Variants in CDC42BPA observed in about 807,000 individuals in gnomAD.
CDC42BPA encodes the protein CDC42 binding protein kinase alpha, also known as serine/threonine-protein kinase MRCK alpha.
In CDC42BPA, 80 loss-of-function variants were observed where a neutral mutation model predicts 223.5. The ratio of observed to expected loss-of-function variants is 0.36; its 90% confidence interval spans 0.30 to 0.43. The LOEUF is 0.43. Ranked by LOEUF, CDC42BPA falls within the 20% of genes least tolerant of loss-of-function variation. The pLI is 1.00. For missense variants in CDC42BPA, 1,743 were observed against 2,099.9 expected (o/e 0.83, Z 3.32); for synonymous variants, 694 against 718.6 (o/e 0.97, Z 0.55).
intron 21 of CDC42BPA, among the ~76,000 whole-genome samples, chr1:227,065,173 A>C (rs763178830): frequency 6.6e-6 from 1 of 152,124 alleles, no homozygotes; most frequent in Non-Finnish European, 1.5e-5. Flanking sequence ...TTACATAACA[A>C]TGTATCACCA....
chr1:227,142,046 T>G (rs928527586), intron 9 of CDC42BPA, among the ~76,000 whole-genome samples: 7 of 152,158 alleles, frequency 4.6e-5, no homozygotes, highest in African/African-American at 1.7e-4. Context: ...TACAGTACAT[T>G]TGTCAGACAA....
chr1:227,177,949 TC>T (rs1441657734), intron 5 of CDC42BPA, among the ~76,000 whole-genome samples: 4 of 152,028 alleles, frequency 2.6e-5, no homozygotes, highest in East Asian at 1.9e-4. Context: ...AATTTTTTTT[TC>T]CAATACTGTA....
chr1:227,003,655 CA>C (rs1359061095), intron 35 of CDC42BPA, among the ~76,000 whole-genome samples: 4 of 152,102 alleles, frequency 2.6e-5, no homozygotes, highest in Non-Finnish European at 5.9e-5. Context: ...TTCAGGCAGA[CA>C]ATATCTTTTT....
rs71574598 is a variant in CDC42BPA, at chr1:227,162,866, A to ATGTGTGTG, written c.600-2231_600-2230insCACACACA. Among the ~76,000 whole-genome samples, 1,215 of 127,266 alleles carry ATGTGTGTG rather than the reference A, an allele frequency of 9.5e-3. 18 individuals are homozygous for ATGTGTGTG. Among genetic ancestry groups the ATGTGTGTG allele is most frequent in the South Asian group, 0.039 (134 of 3,436 alleles). 83.5% of individuals were successfully genotyped at this position (127,266 alleles called of 152,430 possible). On this transcript the variant is annotated intron_variant, in intron 5 of 36. Coordinates refer to ENST00000366766, the MANE Select transcript of CDC42BPA (RefSeq NM_001394014.1). ...GAAAAAAATAAAATAAAATAAATAT[A>ATGTGTGTG]TATGTGTGTGTGTGTGTGTGTTTCC...
At chr1:226,995,643 A>T (rs1661461716) in intron 35 of CDC42BPA, among the ~76,000 whole-genome samples, 2 of 152,230 alleles carry the variant, frequency 1.3e-5, no homozygotes, top group African/African-American at 4.8e-5. Flanking sequence ...GTTTTCTTCA[A>T]ACTCACTCTC....
intron 22 of CDC42BPA, among the ~76,000 whole-genome samples, chr1:227,050,612 G>A (rs1673353246): frequency 6.6e-6 from 1 of 152,046 alleles, no homozygotes; most frequent in East Asian, 1.9e-4. Context: ...TATAATGAAT[G>A]AACTAAATGA....
At chr1:227,152,529 A>T (rs114236197) in intron 6 of CDC42BPA, among the ~76,000 whole-genome samples, 1,838 of 152,316 alleles carry the variant, frequency 0.012, 17 homozygotes, top group Non-Finnish European at 0.02. Flanking sequence ...AAATGTAAAG[A>T]TAAACACTAA....
intron 1 of CDC42BPA, among the ~76,000 whole-genome samples, chr1:227,295,307 C>T (rs1368333811): frequency 6.6e-6 from 1 of 152,060 alleles, no homozygotes; most frequent in East Asian, 1.9e-4. Flanking sequence ...ACTATAGACG[C>T]ACACCACCAC....
At chr1:227,062,448 A>G (rs934027420) in intron 21 of CDC42BPA, among the ~76,000 whole-genome samples, 5 of 151,992 alleles carry the variant, frequency 3.3e-5, no homozygotes, top group African/African-American at 1.2e-4. Context: ...TTATTACTAT[A>G]TTTCCCACAT....
intron 2 of CDC42BPA, among the ~76,000 whole-genome samples, chr1:227,247,385 C>T (rs2670443): frequency 6.6e-6 from 1 of 151,586 alleles, no homozygotes; most frequent in East Asian, 2.0e-4. Context: ...ATCCCAGCTA[C>T]TCAGAAGGTT....
At chr1:227,023,224 C>A in intron 32 of CDC42BPA, 39 bp downstream of exon 32, 1 of 972,054 alleles carries the variant, frequency 1.0e-6, no homozygotes, top group South Asian at 1.5e-5. Context: ...AATAATATTT[C>A]CAATGAAGCT....
intron 2 of CDC42BPA, among the ~76,000 whole-genome samples, chr1:227,243,275 C>T (rs1485863836): frequency 6.6e-6 from 1 of 152,174 alleles, no homozygotes; most frequent in Non-Finnish European, 1.5e-5. Context: ...GCCCATGACA[C>T]AAGTTTACTT....
chr1:227,103,121 G>C (rs939589419), intron 14 of CDC42BPA, among the ~76,000 whole-genome samples: 22 of 151,908 alleles, frequency 1.4e-4, no homozygotes, highest in Non-Finnish European at 3.2e-4. Context: ...ATTCATTTCA[G>C]ACCAACATAT....
intron 35 of CDC42BPA, among the ~76,000 whole-genome samples, chr1:226,996,517 TGA>T (rs984762317): frequency 1.3e-5 from 2 of 152,174 alleles, no homozygotes; most frequent in African/African-American, 4.8e-5. Context: ...ATAGGAGTGG[TGA>T]GAGAGGGCAT....
chr1:227,257,550 G>A (rs1683300269), intron 1 of CDC42BPA, among the ~76,000 whole-genome samples: 1 of 150,782 alleles, frequency 6.6e-6, no homozygotes, highest in African/African-American at 2.5e-5. Context: ...AGGAGTTCAA[G>A]ACCAGCCTGG....
At chr1:227,315,412 T>C (rs937288942) in intron 1 of CDC42BPA, among the ~76,000 whole-genome samples, 4 of 152,108 alleles carry the variant, frequency 2.6e-5, no homozygotes, top group Admixed American at 6.5e-5. Context: ...CTCTTTATCA[T>C]AAATCATTTA....
chr1:227,317,483 A>G lies in CDC42BPA; in HGVS notation c.-301T>C. ...TTTAAATAAAATAATAATTAAAAGTACAACGAACTAGAGAGTCAACACTTC... is the reference window on the plus strand; with the variant it reads ...TTTAAATAAAATAATAATTAAAAGTGCAACGAACTAGAGAGTCAACACTTC... On this transcript the variant is annotated 5_prime_UTR_variant, in exon 1 of 37. Coordinates refer to ENST00000366766, the MANE Select transcript of CDC42BPA (RefSeq NM_001394014.1). 1 of 398,964 alleles carries G rather than the reference A, an allele frequency of 2.5e-6. No individual in the cohort carries two copies. The allele number at this position is 398,964 out of a possible 1,614,324, so 24.7% of individuals were successfully genotyped here. A position where few individuals can be genotyped will look rare whatever the true frequency, so the allele number is the denominator to read the frequency against.
At chr1:227,227,022 A>G (rs936399069) in intron 2 of CDC42BPA, among the ~76,000 whole-genome samples, 5 of 152,100 alleles carry the variant, frequency 3.3e-5, no homozygotes, top group African/African-American at 1.2e-4. Context: ...TAATAGGGAA[A>G]CTCAATGTAC....
chr1:227,052,142 T>C (rs1459999894), intron 21 of CDC42BPA, among the ~76,000 whole-genome samples, 157 bp from the exon 22 acceptor site: 3 of 152,222 alleles, frequency 2.0e-5, no homozygotes, highest in Non-Finnish European at 2.9e-5. Context: ...GATACATCAT[T>C]ATACAAAAGC....
Sources: gnomAD v4.1 joint callset for allele counts (sites outside exome capture counted in the v4.1 genomes callset) on GRCh38, gnomAD v4.1.1 for gene constraint, MANE v1.5 for transcripts, NCBI Gene and HGNC (gene_info 2026-07-23, HGNC 2026-07-21) for gene names.